PRKRA: variants seen among roughly 807,000 people sequenced by gnomAD.
The protein encoded by PRKRA is interferon-inducible double-stranded RNA-dependent protein kinase activator A.
PRKRA carries 22 observed loss-of-function variants against 32.4 expected under a neutral mutation model. The observed-to-expected ratio is 0.68, with a 90% CI of 0.49 to 0.97. PRKRA has a LOEUF of 0.97. Among genes scored for constraint, PRKRA ranks in the 50% least tolerant of loss-of-function variants. The pLI is 0.00. For missense variants in PRKRA, 319 were observed against 375.6 expected (o/e 0.85, Z 1.25); for synonymous variants, 139 against 129.8 (o/e 1.07, Z -0.48).
rs3997876 is a variant in PRKRA, at chr2:178,432,094, G to T, written c.*3C>A. 4 of 1,612,996 alleles carry T rather than the reference G, an allele frequency of 2.5e-6. No individual in the cohort carries two copies. The Admixed American group carries it at 5.0e-5, about 20-fold the overall frequency. On this transcript the variant is annotated 3_prime_UTR_variant, in exon 8 of 8. Transcript: ENST00000325748. Reference sequence around the variant, plus strand: ...CTGAAAGATTTTTTAAGTTGCTCCAGATTTACTTTCTTTCTGCTATTATCT... The same window carrying T: ...CTGAAAGATTTTTTAAGTTGCTCCATATTTACTTTCTTTCTGCTATTATCT...
At chr2:178,435,179 C>T (rs533252589) in intron 7 of PRKRA, among the ~76,000 whole-genome samples, 8 of 150,796 alleles carry the variant, frequency 5.3e-5, no homozygotes, top group East Asian at 3.9e-4. Context: ...ATCATGCCAC[C>T]GCACTCCAAC....
At chr2:178,439,358 C>G (rs538685944) in intron 6 of PRKRA, 1 of 152,292 alleles carries the variant, frequency 6.6e-6, no homozygotes, top group African/African-American at 2.4e-5. Context: ...CCTTCAGGTC[C>G]CCTTCCCAGA....
chr2:178,442,648 A>C (rs1697161058), intron 5 of PRKRA, among the ~76,000 whole-genome samples: 1 of 152,214 alleles, frequency 6.6e-6, no homozygotes, highest in Non-Finnish European at 1.5e-5. Flanking sequence ...AAAGGCAAAT[A>C]GTTTCTTATT....
At chr2:178,450,187 ACCAAGTATTGACTG>A (rs778039061) in intron 2 of PRKRA, 41 bp downstream of exon 2, 102 of 1,302,950 alleles carry the variant, frequency 7.8e-5, no homozygotes, top group Non-Finnish European at 9.7e-5. Flanking sequence ...GAAAAGCAAC[ACCAAGTATTGACTG>A]CCAACCCACT....
rs1696660583 is a variant in PRKRA at position 178,431,786 on chromosome 2, C to G, written c.*311G>C. 2.5e-6 allele frequency: 1 copy of G among 396,720 alleles called. No individual in the cohort carries two copies. The highest frequency in any genetic ancestry group is 2.1e-5 in the African/African-American group (1 of 48,522). The allele number at this position is 396,720 out of a possible 1,614,324, so 24.6% of individuals were successfully genotyped here. A position where few individuals can be genotyped will look rare whatever the true frequency, so the allele number is the denominator to read the frequency against. On this transcript the variant is annotated 3_prime_UTR_variant, in exon 8 of 8. Coordinates refer to ENST00000325748, the MANE Select transcript of PRKRA (RefSeq NM_003690.5). ...TAAGCACCAGTAAGAAAGACTGTCG[C>G]TAGCATTTTTATTTCATCATCAACA... is the stretch of plus-strand genomic sequence containing the variant.
At chr2:178,437,252 C>A (rs1385752279) in intron 6 of PRKRA, among the ~76,000 whole-genome samples, 1 of 152,096 alleles carries the variant, frequency 6.6e-6, no homozygotes. Flanking sequence ...TATACATGCA[C>A]TAAGAACAAA....
intron 6 of PRKRA, among the ~76,000 whole-genome samples, chr2:178,441,137 T>G (rs1192483953): frequency 6.6e-6 from 1 of 152,242 alleles, no homozygotes; most frequent in African/African-American, 2.4e-5. Flanking sequence ...CCTTCTTCTA[T>G]GTTCCCACAT....
At chr2:178,433,125 GTTC>G (rs1326373647) in intron 7 of PRKRA, among the ~76,000 whole-genome samples, 3 of 152,236 alleles carry the variant, frequency 2.0e-5, no homozygotes, top group East Asian at 1.9e-4. Context: ...TAGTATCTAG[GTTC>G]TTTTCTCCTG....
At chr2:178,447,663 A>G in intron 2 of PRKRA, 77 bp from the exon 3 acceptor site, 1 of 1,242,718 alleles carries the variant, frequency 8.0e-7, no homozygotes, top group Non-Finnish European at 1.1e-6. Flanking sequence ...TCAATACACA[A>G]AACAAAGTCA....
chr2:178,443,179 AAT>A, intron 5 of PRKRA, 86 bp downstream of exon 5: 1 of 1,008,212 alleles, frequency 9.9e-7, no homozygotes, highest in African/African-American at 1.6e-5. Flanking sequence ...TCTGCATAGA[AAT>A]ATTTGAAAAC....
At chr2:178,450,208 C>G in intron 2 of PRKRA, 34 bp downstream of exon 2, 1 of 1,614,028 alleles carries the variant, frequency 6.2e-7, no homozygotes, top group Non-Finnish European at 8.5e-7. Context: ...ACTGCCAACC[C>G]ACTCGGTCAT....
At position 178,450,637 on chromosome 2, in the gene PRKRA, G is replaced by A; in HGVS notation, c.66-226C>T. ...AGCGAGGTCTTTAGAGAGAGCACTT[G>A]AATGCGGGTAGGAGAGATTCTCAAC... On this transcript the variant is annotated intron_variant, in intron 1 of 7. Coordinates refer to ENST00000325748, the MANE Select transcript of PRKRA (RefSeq NM_003690.5). 6 of 1,447,826 alleles carry A rather than the reference G, an allele frequency of 4.1e-6. No individual in the cohort carries two copies. In the South Asian group the frequency reaches 5.8e-5, roughly 14 times the overall value. The allele number at this position is 1,447,826 out of a possible 1,614,324, so 89.7% of individuals were successfully genotyped here.
At chr2:178,437,022 G>A (rs2154124804) in intron 6 of PRKRA, among the ~76,000 whole-genome samples, 1 of 151,714 alleles carries the variant, frequency 6.6e-6, no homozygotes, top group East Asian at 1.9e-4. Context: ...GCTTTCATAT[G>A]CCATTAATAA....
chr2:178,436,946 C>T (rs988354733), intron 6 of PRKRA, among the ~76,000 whole-genome samples: 1 of 152,086 alleles, frequency 6.6e-6, no homozygotes, highest in Non-Finnish European at 1.5e-5. Flanking sequence ...TCCCCTATAT[C>T]CTTCCCTTTT....
At chr2:178,447,704 T>C in intron 2 of PRKRA, 118 bp from the exon 3 acceptor site, 1 of 927,944 alleles carries the variant, frequency 1.1e-6, no homozygotes, top group Non-Finnish European at 1.6e-6. Flanking sequence ...TACTAGGTAA[T>C]AAAAATATGT....
chr2:178,443,481 T>G, intron 4 of PRKRA, 97 bp from the exon 5 acceptor site: 1 of 854,176 alleles, frequency 1.2e-6, no homozygotes, highest in Non-Finnish European at 2.0e-6. Flanking sequence ...TGTATATGTT[T>G]GAAAAGAATA....
intron 7 of PRKRA, among the ~76,000 whole-genome samples, chr2:178,432,740 C>A (rs1696718623): frequency 6.6e-6 from 1 of 152,086 alleles, no homozygotes; most frequent in Non-Finnish European, 1.5e-5. Flanking sequence ...TCGGTCAAGG[C>A]AAAACCTCCC....
intron 3 of PRKRA, chr2:178,447,268 A>T (rs963747485): frequency 2.5e-4 from 58 of 229,946 alleles, no homozygotes; most frequent in South Asian, 1.8e-3. Context: ...GTATCCCATT[A>T]AAAAAAAAAA....
chr2:178,444,397 G>C (rs769571247), intron 4 of PRKRA, 25 bp downstream of exon 4: 19 of 788,594 alleles, frequency 2.4e-5, no homozygotes, highest in South Asian at 5.3e-5. Context: ...TATTTCATCA[G>C]TAGGCAAAGA....
Sources: gnomAD v4.1 joint callset for allele counts (sites outside exome capture counted in the v4.1 genomes callset) on GRCh38, gnomAD v4.1.1 for gene constraint, MANE v1.5 for transcripts, NCBI Gene and HGNC (gene_info 2026-07-23, HGNC 2026-07-21) for gene names.